Variants in DSCAM observed in about 807,000 individuals in gnomAD.
DSCAM encodes the protein DS cell adhesion molecule, also known as cell adhesion molecule DSCAM.
DSCAM carries 47 observed loss-of-function variants against 217.7 expected under a neutral mutation model. The ratio of observed to expected loss-of-function variants is 0.22; its 90% confidence interval spans 0.17 to 0.28. The LOEUF is 0.28. Among genes scored for constraint, DSCAM ranks in the 10% least tolerant of loss-of-function variants. DSCAM has a pLI of 1.00. For missense variants in DSCAM, 2,080 were observed against 2,618.3 expected (o/e 0.79, Z 4.49); for synonymous variants, 1,056 against 1,015.3 (o/e 1.04, Z -0.76).
At chr21:40,746,753 T>C (rs749523964) in intron 1 of DSCAM, among the ~76,000 whole-genome samples, 4 of 151,904 alleles carry the variant, frequency 2.6e-5, no homozygotes, top group African/African-American at 4.8e-5. Flanking sequence ...TTCCACCCAA[T>C]AGATTCAGAA....
chr21:40,661,894 G>A (rs2090142389), intron 3 of DSCAM, among the ~76,000 whole-genome samples: 1 of 152,116 alleles, frequency 6.6e-6, no homozygotes, highest in Non-Finnish European at 1.5e-5. Context: ...GCAAATAAGT[G>A]TAAATAATAT....
chr21:40,279,363 CAT>C (rs1231827499), intron 10 of DSCAM, among the ~76,000 whole-genome samples: 10 of 130,926 alleles, frequency 7.6e-5, no homozygotes, highest in Non-Finnish European at 1.2e-4. Flanking sequence ...GGCCAAGAAA[CAT>C]ATGAAAAAAA....
intron 11 of DSCAM, among the ~76,000 whole-genome samples, chr21:40,225,035 A>C (rs1007690734): frequency 6.6e-6 from 1 of 152,166 alleles, no homozygotes; most frequent in Non-Finnish European, 1.5e-5. Context: ...AGCACATGAC[A>C]CTCACACGAG....
intron 1 of DSCAM, among the ~76,000 whole-genome samples, chr21:40,755,307 G>A (rs4818168): frequency 6.6e-6 from 1 of 151,776 alleles, no homozygotes; most frequent in Non-Finnish European, 1.5e-5. Flanking sequence ...TTAGCTGGGC[G>A]TGGTGGTGCA....
chr21:40,507,180 G>A (rs1007779953), intron 3 of DSCAM, among the ~76,000 whole-genome samples: 1 of 152,148 alleles, frequency 6.6e-6, no homozygotes, highest in Admixed American at 6.5e-5. Context: ...GGGAAGCTGA[G>A]GCAGGAGAAT....
At chr21:40,156,336 A>AGAGAGAGAGAGAGAGAGAGG (rs1397183926) in intron 16 of DSCAM, among the ~76,000 whole-genome samples, 1 of 132,760 alleles carries the variant, frequency 7.5e-6, no homozygotes, top group African/African-American at 3.0e-5. Context: ...AGAGAGAGAG[A>AGAGAGAGAGAGAGAGAGAGG]GAGAAAGGGG....
chr21:40,802,624 C>A (rs972066039), intron 1 of DSCAM, among the ~76,000 whole-genome samples: 1 of 152,118 alleles, frequency 6.6e-6, no homozygotes, highest in Non-Finnish European at 1.5e-5. Flanking sequence ...GGGATTAATC[C>A]ATTCATGGAT....
chr21:40,381,795 A>C (rs2075028791), intron 3 of DSCAM, among the ~76,000 whole-genome samples: 1 of 152,232 alleles, frequency 6.6e-6, no homozygotes, highest in Non-Finnish European at 1.5e-5. Flanking sequence ...ATAGGTTGTG[A>C]AATCAGTTTC....
At chr21:40,041,161 TGTA>T (rs1396310326) in intron 32 of DSCAM, among the ~76,000 whole-genome samples, 2 of 152,200 alleles carry the variant, frequency 1.3e-5, no homozygotes, top group Non-Finnish European at 2.9e-5. Flanking sequence ...CCAAGGGAAT[TGTA>T]GTAATTCAAA....
chr21:40,525,943 A>C (rs1423094825), intron 3 of DSCAM, among the ~76,000 whole-genome samples: 1 of 152,000 alleles, frequency 6.6e-6, no homozygotes, highest in African/African-American at 2.4e-5. Context: ...GATCATTTGA[A>C]GTGTACTGTA....
At position 40,795,354 on chromosome 21, in the gene DSCAM, A is replaced by AT. The variant is rs11322744; in HGVS notation, c.43+51264dup. 9.9e-4 allele frequency among the ~76,000 whole-genome samples: 147 copies of AT among 149,034 alleles called. 1 individual carries two copies. The highest frequency in any genetic ancestry group is 8.2e-3 in the South Asian group (39 of 4,736). On this transcript the variant is annotated intron_variant, in intron 1 of 32. Coordinates refer to ENST00000400454, the MANE Select transcript of DSCAM (RefSeq NM_001389.5). The stretch of plus-strand genomic sequence containing the variant: ...CAACAACTTACATATACTACCCACA[A>AT]TTTTTTTTTTTTCGAAATCCAAGGT...
chr21:40,603,324 T>A (rs977929915), intron 3 of DSCAM, among the ~76,000 whole-genome samples: 1 of 152,220 alleles, frequency 6.6e-6, no homozygotes, highest in Non-Finnish European at 1.5e-5. Context: ...ATTCTATGAA[T>A]GTAAATTAGA....
intron 11 of DSCAM, among the ~76,000 whole-genome samples, chr21:40,223,659 C>T (rs139729512): frequency 1.0e-3 from 157 of 152,174 alleles, no homozygotes; most frequent in African/African-American, 3.7e-3. Flanking sequence ...TCATCAATAG[C>T]GGTTGTTAAC....
chr21:40,392,895 A>C lies in DSCAM; in HGVS notation c.509-23650T>G, dbSNP rs181784594. Among the ~76,000 whole-genome samples the C allele has an allele frequency of 8.3e-4, 127 of 152,316 alleles. 1 individual carries two copies. Among genetic ancestry groups the C allele is most frequent in the Non-Finnish European group, 8.8e-5 (6 of 68,028 alleles). On this transcript the variant is annotated intron_variant, in intron 3 of 32. Coordinates refer to ENST00000400454, the MANE Select transcript of DSCAM (RefSeq NM_001389.5). ...AGGTCAACTGTTAATCATGAAAAAA[A>C]TTTTAACACATTCAAAAGATATAAT...
At chr21:40,148,518 T>C (rs1482686389) in intron 16 of DSCAM, among the ~76,000 whole-genome samples, 3 of 152,086 alleles carry the variant, frequency 2.0e-5, no homozygotes, top group Admixed American at 6.5e-5. Flanking sequence ...TAACTGTATC[T>C]CAATAAAGCT....
At chr21:40,160,066 A>C (rs1215238233) in intron 16 of DSCAM, among the ~76,000 whole-genome samples, 1 of 152,144 alleles carries the variant, frequency 6.6e-6, no homozygotes, top group Admixed American at 6.5e-5. Flanking sequence ...TAATCAAGGG[A>C]CCACCTTATG....
chr21:40,519,824 CTG>C (rs934291018), intron 3 of DSCAM, among the ~76,000 whole-genome samples: 55 of 148,438 alleles, frequency 3.7e-4, no homozygotes, highest in African/African-American at 1.4e-3. Flanking sequence ...CTTTAAGTCT[CTG>C]TCTCTCTCAC....
intron 30 of DSCAM, among the ~76,000 whole-genome samples, chr21:40,048,992 C>A (rs79775029): frequency 0.03 from 4,512 of 152,224 alleles, 92 homozygotes; most frequent in South Asian, 0.055. Flanking sequence ...TCCAGCAGAT[C>A]TTTTACTAAT....
chr21:40,244,423 C>G (rs537592091), intron 11 of DSCAM, among the ~76,000 whole-genome samples: 1 of 150,780 alleles, frequency 6.6e-6, no homozygotes, highest in Non-Finnish European at 1.5e-5. Context: ...TGCACTCCAG[C>G]CTGGGTGACA....
Sources: gnomAD v4.1 joint callset for allele counts (sites outside exome capture counted in the v4.1 genomes callset) on GRCh38, gnomAD v4.1.1 for gene constraint, MANE v1.5 for transcripts, NCBI Gene and HGNC (gene_info 2026-07-23, HGNC 2026-07-21) for gene names.